HDAC9: variants seen among roughly 807,000 people sequenced by gnomAD.
The protein encoded by HDAC9 is MEF-2 interacting transcription repressor (MITR) protein.
In HDAC9, 41 loss-of-function variants were observed where a neutral mutation model predicts 139.4. That is an observed-to-expected ratio of 0.29 (90% confidence interval 0.23 to 0.38). The LOEUF (loss-of-function observed/expected upper bound fraction) is 0.38, where lower values mean the gene tolerates loss of function less well. Among genes scored for constraint, HDAC9 ranks in the 10% least tolerant of loss-of-function variants. The pLI is 1.00. For synonymous variants in HDAC9, 517 were observed against 476.2 expected, an observed-to-expected ratio of 1.09 and a Z score of -1.12; for missense variants, 1,147 against 1,297.0, an observed-to-expected ratio of 0.88 and a Z score of 1.78.
intron 6 of HDAC9, among the ~76,000 whole-genome samples, chr7:18,614,545 TAAGTGCTTGGTAAATATTTGTTG>T (rs770032052): frequency 7.9e-5 from 12 of 152,100 alleles, no homozygotes; most frequent in Non-Finnish European, 1.5e-4. Context: ...TTGCACAGAG[TAAGTGCTTGGTAAATATTTGTTG>T]AATGGAGTCT....
At chr7:18,640,644 AT>A (rs1406202959) in intron 8 of HDAC9, among the ~76,000 whole-genome samples, 1 of 151,458 alleles carries the variant, frequency 6.6e-6, no homozygotes, top group Admixed American at 6.6e-5. Flanking sequence ...CATCATATAT[AT>A]TTTTTACTTT....
chr7:18,695,635 T>G (rs990276930), intron 12 of HDAC9, among the ~76,000 whole-genome samples: 3 of 152,186 alleles, frequency 2.0e-5, no homozygotes, highest in African/African-American at 7.2e-5. Context: ...AGTTTGACCT[T>G]GATGTCAGGT....
intron 2 of HDAC9, among the ~76,000 whole-genome samples, chr7:18,538,552 C>T (rs1811648980): frequency 6.6e-6 from 1 of 152,134 alleles, no homozygotes; most frequent in Non-Finnish European, 1.5e-5. Context: ...CGGCCATGAG[C>T]CTTAATTCCC....
intron 11 of HDAC9, among the ~76,000 whole-genome samples, chr7:18,655,282 C>A (rs1790736039): frequency 6.6e-6 from 1 of 152,060 alleles, no homozygotes; most frequent in Non-Finnish European, 1.5e-5. Flanking sequence ...ACATTTTGCC[C>A]ATTACATGGA....
intron 24 of HDAC9, among the ~76,000 whole-genome samples, chr7:18,969,226 A>C (rs1375038571): frequency 6.6e-6 from 1 of 152,160 alleles, no homozygotes; most frequent in Non-Finnish European, 1.5e-5. Flanking sequence ...AGTTCACAGA[A>C]CTGGGAATAG....
intron 1 of HDAC9, among the ~76,000 whole-genome samples, chr7:18,160,098 A>G (rs769925448): frequency 1.1e-4 from 17 of 152,208 alleles, no homozygotes; most frequent in Non-Finnish European, 1.5e-4. Flanking sequence ...TATTGGTTAA[A>G]TTTGAGTTAT....
intron 1 of HDAC9, among the ~76,000 whole-genome samples, chr7:18,460,523 G>A (rs896271879): frequency 6.6e-6 from 1 of 151,978 alleles, no homozygotes; most frequent in Non-Finnish European, 1.5e-5. Flanking sequence ...AGTGGTTCAC[G>A]CCTGTAATCC....
At chr7:18,315,594 T>G (rs994181572) in intron 1 of HDAC9, among the ~76,000 whole-genome samples, 2 of 152,242 alleles carry the variant, frequency 1.3e-5, no homozygotes, top group Admixed American at 1.3e-4. Flanking sequence ...GAAATTTATT[T>G]CTGTAGAAAA....
chr7:18,888,290 T>G (rs1407453791), intron 22 of HDAC9, among the ~76,000 whole-genome samples: 1 of 152,092 alleles, frequency 6.6e-6, no homozygotes, highest in African/African-American at 2.4e-5. Context: ...CCAGGCGTGG[T>G]GGCGGGCGCC....
rs567823674 is a variant in HDAC9, at chr7:18,123,053, G to C, written c.-97+35840G>C. On this transcript the variant is annotated intron_variant, in intron 1 of 12. Transcript: ENST00000417496. ...GACATTGGTTGCAGTGACAGGTTTT[G>C]GCACAATGGGTGGTTATTTCCTAAT... Among the ~76,000 whole-genome samples, 5 of 152,224 alleles carry C rather than the reference G, an allele frequency of 3.3e-5. No individual in the cohort carries two copies. In the South Asian group the frequency reaches 1.0e-3, roughly 32 times the overall value.
intron 22 of HDAC9, among the ~76,000 whole-genome samples, chr7:18,894,685 A>G (rs1365503498): frequency 6.6e-6 from 1 of 152,100 alleles, no homozygotes; most frequent in Non-Finnish European, 1.5e-5. Flanking sequence ...GGGTCTGATG[A>G]GTACTTGAAA....
At chr7:18,452,582 C>T (rs1792971770) in intron 1 of HDAC9, among the ~76,000 whole-genome samples, 1 of 152,178 alleles carries the variant, frequency 6.6e-6, no homozygotes, top group African/African-American at 2.4e-5. Flanking sequence ...GCTGTGTCCT[C>T]ACCCAAATCT....
At chr7:18,102,852 G>A (rs541996264) in intron 1 of HDAC9, among the ~76,000 whole-genome samples, 146 of 152,284 alleles carry the variant, frequency 9.6e-4, no homozygotes, top group African/African-American at 3.5e-3. Context: ...CTTCTCATTT[G>A]CTGGAATGTG....
chr7:18,629,525 T>TA, intron 7 of HDAC9, 44 bp downstream of exon 7: 1 of 1,546,092 alleles, frequency 6.5e-7, no homozygotes, highest in Non-Finnish European at 8.7e-7. Context: ...GGAGTAGGAA[T>TA]GAAAAAAAAA....
intron 1 of HDAC9, among the ~76,000 whole-genome samples, chr7:18,315,249 G>C (rs1799561876): frequency 6.6e-6 from 1 of 152,062 alleles, no homozygotes; most frequent in African/African-American, 2.4e-5. Flanking sequence ...CTTAGTAGGG[G>C]TCAGGCATTC....
intron 2 of HDAC9, among the ~76,000 whole-genome samples, chr7:18,265,135 A>G (rs1486791072): frequency 2.6e-5 from 4 of 152,174 alleles, no homozygotes; most frequent in Admixed American, 2.6e-4. Flanking sequence ...ATTTTATTTA[A>G]TTTTGAATTT....
At chr7:18,194,748 C>T (rs1484090608) in intron 2 of HDAC9, among the ~76,000 whole-genome samples, 2 of 152,160 alleles carry the variant, frequency 1.3e-5, no homozygotes, top group Non-Finnish European at 2.9e-5. Flanking sequence ...TCTTATTGAG[C>T]AAATTCTGTT....
At chr7:18,424,293 G>A (rs1789912304) in intron 1 of HDAC9, among the ~76,000 whole-genome samples, 1 of 152,182 alleles carries the variant, frequency 6.6e-6, no homozygotes, top group African/African-American at 2.4e-5. Context: ...TACCAATCCT[G>A]CATCTTACTG....
chr7:18,247,915 T>C (rs1794661621), intron 2 of HDAC9, among the ~76,000 whole-genome samples: 1 of 152,218 alleles, frequency 6.6e-6, no homozygotes, highest in Admixed American at 6.5e-5. Context: ...AAAGGTCTTA[T>C]TTATGTACTT....
Sources: gnomAD v4.1 joint callset for allele counts (sites outside exome capture counted in the v4.1 genomes callset) on GRCh38, gnomAD v4.1.1 for gene constraint, MANE v1.5 for transcripts, NCBI Gene and HGNC (gene_info 2026-07-23, HGNC 2026-07-21) for gene names.